Variants in DCDC1 observed in about 807,000 individuals in gnomAD.
DCDC1 encodes the protein doublecortin domain-containing protein 1.
In DCDC1, 200 loss-of-function variants were observed where a neutral mutation model predicts 178.3. The observed-to-expected ratio is 1.12, with a 90% CI of 1.00 to 1.26. The LOEUF is 1.26. DCDC1 is among the 50% of genes most tolerant of loss of function. DCDC1 has a pLI of 0.00. For synonymous variants in DCDC1, 690 were observed against 604.8 expected (o/e 1.14, Z -2.07); for missense variants, 1,983 against 1,749.2 (o/e 1.13, Z -2.38).
chr11:31,289,882 C>A (rs2761589), intron 7 of DCDC1, among the ~76,000 whole-genome samples: 1 of 151,740 alleles, frequency 6.6e-6, no homozygotes, highest in Non-Finnish European at 1.5e-5. Context: ...CAAGATTCAA[C>A]CCTAGGCGTT....
intron 29 of DCDC1, 126 bp from the exon 30 acceptor site, chr11:30,906,851 CTAAATT>C: frequency 2.2e-6 from 2 of 898,106 alleles, no homozygotes; most frequent in Non-Finnish European, 3.0e-6. Flanking sequence ...AAATTTTATG[CTAAATT>C]TAAATTTAGC....
intron 10 of DCDC1, among the ~76,000 whole-genome samples, chr11:31,132,951 TAC>T (rs1419153694): frequency 6.6e-6 from 1 of 152,214 alleles, no homozygotes; most frequent in African/African-American, 2.4e-5. Context: ...TCTATAAACA[TAC>T]AGACAGGTTT....
intron 10 of DCDC1, among the ~76,000 whole-genome samples, chr11:31,132,046 G>A (rs1591158643): frequency 6.6e-6 from 1 of 152,288 alleles, no homozygotes; most frequent in South Asian, 2.1e-4. Context: ...TAGATTTTTG[G>A]TTGCTTCAGA....
At chr11:31,013,505 C>G (rs565628093) in intron 20 of DCDC1, among the ~76,000 whole-genome samples, 1 of 152,132 alleles carries the variant, frequency 6.6e-6, no homozygotes, top group Non-Finnish European at 1.5e-5. Context: ...AAAAAGTACT[C>G]ATTTCTTCAT....
At chr11:31,217,894 G>C (rs915841556) in intron 9 of DCDC1, among the ~76,000 whole-genome samples, 14 of 151,978 alleles carry the variant, frequency 9.2e-5, no homozygotes, top group African/African-American at 3.4e-4. Context: ...TTCATAATGT[G>C]TACTCTATAT....
intron 9 of DCDC1, among the ~76,000 whole-genome samples, chr11:31,148,066 G>C (rs1964645105): frequency 1.3e-5 from 2 of 152,112 alleles, no homozygotes; most frequent in South Asian, 4.1e-4. Flanking sequence ...GTTTGAGAGG[G>C]CAAGCTGAGT....
At chr11:31,140,554 T>G (rs371821276) in intron 9 of DCDC1, among the ~76,000 whole-genome samples, 11 of 152,172 alleles carry the variant, frequency 7.2e-5, no homozygotes, top group East Asian at 5.8e-4. Context: ...ATACTTAGGT[T>G]AAAGTTCGGT....
chr11:30,958,016 TTATA>T (rs1248231357), intron 20 of DCDC1, among the ~76,000 whole-genome samples: 1 of 152,148 alleles, frequency 6.6e-6, no homozygotes, highest in East Asian at 1.9e-4. Flanking sequence ...GCTGTTACAT[TTATA>T]GTCCCACTTG....
chr11:31,024,716 A>G (rs1327201826), intron 20 of DCDC1, among the ~76,000 whole-genome samples: 1 of 151,936 alleles, frequency 6.6e-6, no homozygotes, highest in East Asian at 1.9e-4. Context: ...TATTTAGATG[A>G]CATACATACA....
chr11:31,306,851 T>C (rs1565587210), intron 4 of DCDC1, among the ~76,000 whole-genome samples: 1 of 152,108 alleles, frequency 6.6e-6, no homozygotes, highest in Admixed American at 6.6e-5. Flanking sequence ...ATGTTTAAAA[T>C]TCAAAAATAT....
At chr11:31,211,616 A>G (rs1238738917) in intron 9 of DCDC1, among the ~76,000 whole-genome samples, 2 of 152,314 alleles carry the variant, frequency 1.3e-5, no homozygotes, top group Non-Finnish European at 1.5e-5. Context: ...ATATGGAATA[A>G]TCATTTTCAG....
intron 20 of DCDC1, among the ~76,000 whole-genome samples, chr11:31,018,528 T>A (rs909314675): frequency 3.3e-5 from 5 of 152,176 alleles, no homozygotes; most frequent in Non-Finnish European, 5.9e-5. Context: ...TTCATCTCCA[T>A]CTTTGTATTT....
chr11:31,164,046 A>C (rs1292336748), intron 9 of DCDC1, among the ~76,000 whole-genome samples: 3 of 152,186 alleles, frequency 2.0e-5, no homozygotes, highest in Non-Finnish European at 2.9e-5. Flanking sequence ...ATACTGGACC[A>C]CTATACTTAT....
intron 9 of DCDC1, among the ~76,000 whole-genome samples, chr11:31,210,323 CTG>C (rs1972344273): frequency 6.6e-6 from 1 of 152,194 alleles, no homozygotes; most frequent in African/African-American, 2.4e-5. Context: ...TACTATACTC[CTG>C]TGTGAGTCCC....
Position 30,894,274 on chromosome 11 carries a change from G to A in DCDC1, c.4876C>T (p.Leu1626Phe), listed in dbSNP as rs1168366348. Residue 1626 changes from leucine to phenylalanine, a missense_variant, in exon 35 of 39, where the codon CTC becomes TTC. Transcript: ENST00000684477. ...WTEQTQQEIK[L>F]MELIRHTEAH... ...TCTGTATGTCTTATAAGTTCCATGA[G>A]TTTAATTTCCTGTTGAGTCTGTTCG... 1.9e-6 allele frequency: 3 copies of A among 1,613,836 alleles called. No homozygotes were observed. Among genetic ancestry groups the A allele is most frequent in the Admixed American group, 1.7e-5 (1 of 60,006 alleles).
intron 11 of DCDC1, among the ~76,000 whole-genome samples, chr11:31,117,957 T>C (rs961646457): frequency 1.3e-5 from 2 of 152,126 alleles, no homozygotes; most frequent in African/African-American, 4.8e-5. Flanking sequence ...GGCATGTGGG[T>C]CCTGTCAGTA....
chr11:30,956,987 GA>G (rs919699399), intron 20 of DCDC1, among the ~76,000 whole-genome samples: 3 of 152,078 alleles, frequency 2.0e-5, no homozygotes, highest in African/African-American at 7.2e-5. Flanking sequence ...TGAGAAAATA[GA>G]AGTGGTCAGA....
intron 18 of DCDC1, among the ~76,000 whole-genome samples, chr11:31,069,028 T>G (rs1314321244): frequency 6.6e-6 from 1 of 152,090 alleles, no homozygotes; most frequent in Non-Finnish European, 1.5e-5. Context: ...ATTTTTTGTA[T>G]TTTTAGTAGA....
intron 20 of DCDC1, among the ~76,000 whole-genome samples, chr11:31,063,517 C>T (rs990608974): frequency 2.0e-5 from 3 of 152,024 alleles, no homozygotes; most frequent in Non-Finnish European, 4.4e-5. Context: ...AATAAAATAG[C>T]TTTTAATTGA....
Sources: allele counts gnomAD v4.1 joint callset (sites outside exome capture counted in the v4.1 genomes callset), GRCh38; gene constraint gnomAD v4.1.1; transcripts MANE v1.5; gene names NCBI Gene and HGNC (gene_info 2026-07-23, HGNC 2026-07-21).